The following IGSF21 variants were observed in gnomAD, a reference collection of about 807,000 sequenced individuals.
The protein encoded by IGSF21 is immunoglobulin superfamily member 21.
A neutral mutation model predicts 46.8 loss-of-function variants in IGSF21; 28 were observed. The observed-to-expected ratio is 0.60, with a 90% confidence interval of 0.44 to 0.82. The LOEUF is 0.82. Among genes scored for constraint, IGSF21 ranks in the 40% least tolerant of loss-of-function variants. IGSF21 has a pLI of 0.00. For synonymous variants in IGSF21, 284 were observed against 273.6 expected (o/e 1.04, Z -0.38); for missense variants, 624 against 665.5 (o/e 0.94, Z 0.69).
At chr1:18,254,391 C>T (rs888878401) in intron 2 of IGSF21, among the ~76,000 whole-genome samples, 1 of 147,842 alleles carries the variant, frequency 6.8e-6, no homozygotes, top group Non-Finnish European at 1.5e-5. Flanking sequence ...TAACCCTAAC[C>T]TTATCTAGCT....
At position 18,343,405 on chromosome 1, in the gene IGSF21, C is replaced by G. The variant is rs72657404; in HGVS notation, c.424+8395C>G. 1.4e-3 allele frequency among the ~76,000 whole-genome samples: 207 copies of G among 151,340 alleles called. 4 individuals are homozygous for G. The South Asian group carries it at 0.043, about 31-fold the overall frequency. On this transcript the variant is annotated intron_variant, in intron 4 of 9. Coordinates refer to ENST00000251296, the MANE Select transcript of IGSF21 (RefSeq NM_032880.5). Reference sequence around the variant, plus strand: ...TCCCATTGTGTAGATTGTCTTTTTACTTTCTCCATGGTGTCCTTTGAAGGA... The same window carrying G: ...TCCCATTGTGTAGATTGTCTTTTTAGTTTCTCCATGGTGTCCTTTGAAGGA...
chr1:18,289,326 C>T lies in IGSF21; in HGVS notation c.184-2540C>T, dbSNP rs2085245243. On this transcript the variant is annotated intron_variant, in intron 2 of 9. Coordinates refer to ENST00000251296, the MANE Select transcript of IGSF21 (RefSeq NM_032880.5). ...TTTGGGAGAAAAATCCTCACACCTC[C>T]ACTGAGATTCTGACATCCTTTCTCC... 3.9e-5 allele frequency among the ~76,000 whole-genome samples: 6 copies of T among 152,140 alleles called. No homozygotes were observed. In the South Asian group the frequency reaches 1.2e-3, roughly 32 times the overall value.
intron 1 of IGSF21, among the ~76,000 whole-genome samples, chr1:18,214,221 TAG>T (rs2084420158): frequency 1.3e-5 from 2 of 152,228 alleles, no homozygotes; most frequent in South Asian, 4.2e-4. Context: ...TGCTGGAGAT[TAG>T]AGAGGGGGAA....
At chr1:18,200,288 A>G (rs1250217339) in intron 1 of IGSF21, among the ~76,000 whole-genome samples, 1 of 152,242 alleles carries the variant, frequency 6.6e-6, no homozygotes, top group Non-Finnish European at 1.5e-5. Flanking sequence ...CCTGGGGCTT[A>G]GTAGGTAGAC....
chr1:18,377,050 G>A (rs10465915), intron 8 of IGSF21, 58 bp downstream of exon 8: 179,390 of 1,518,590 alleles, frequency 0.12, 12,755 homozygotes, highest in East Asian at 0.32. Context: ...TCCTGTCTGG[G>A]AGGTTTCCCC....
intron 2 of IGSF21, among the ~76,000 whole-genome samples, chr1:18,255,283 C>T (rs992268952): frequency 6.6e-6 from 1 of 152,180 alleles, no homozygotes; most frequent in African/African-American, 2.4e-5. Flanking sequence ...ATTACTCACC[C>T]ACCTTGATGC....
intron 1 of IGSF21, among the ~76,000 whole-genome samples, chr1:18,180,146 T>C (rs2086842605): frequency 6.6e-6 from 1 of 152,244 alleles, no homozygotes; most frequent in South Asian, 2.1e-4. Context: ...CCTGCTTCCT[T>C]ATATTCCACT....
chr1:18,327,570 G>T (rs756023393), intron 3 of IGSF21, among the ~76,000 whole-genome samples: 1 of 152,140 alleles, frequency 6.6e-6, no homozygotes, highest in Non-Finnish European at 1.5e-5. Context: ...GGAAAGGGAC[G>T]CAACAATTGG....
intron 9 of IGSF21, among the ~76,000 whole-genome samples, chr1:18,377,859 G>A (rs891291464): frequency 2.6e-5 from 4 of 152,168 alleles, no homozygotes; most frequent in South Asian, 4.1e-4. Flanking sequence ...GAGCATCAAC[G>A]GATGTCTCAG....
rs201415056 is a variant in IGSF21, at chr1:18,377,451, A to G, written c.1333+20A>G. On this transcript the variant is annotated intron_variant, in intron 9 of 9. Coordinates refer to ENST00000251296, the MANE Select transcript of IGSF21 (RefSeq NM_032880.5). ...CTAATGGTAAGTCTCTACCCTCAGGATTTTTTGCTTAAAAGGGAGTGGCTT... is the reference window on the plus strand; with the variant it reads ...CTAATGGTAAGTCTCTACCCTCAGGGTTTTTTGCTTAAAAGGGAGTGGCTT... 1.9e-6 allele frequency: 3 copies of G among 1,609,264 alleles called. No individual in the cohort carries two copies. Among genetic ancestry groups the G allele is most frequent in the Non-Finnish European group, 1.7e-6 (2 of 1,175,758 alleles).
chr1:18,123,236 A>G (rs1207615945), intron 1 of IGSF21, among the ~76,000 whole-genome samples: 1 of 152,228 alleles, frequency 6.6e-6, no homozygotes, highest in African/African-American at 2.4e-5. Flanking sequence ...AATATTTTTT[A>G]AAGACTAATT....
intron 1 of IGSF21, among the ~76,000 whole-genome samples, chr1:18,117,374 C>T (rs2086197319): frequency 2.0e-5 from 3 of 152,164 alleles, no homozygotes; most frequent in African/African-American, 4.8e-5. Context: ...GGAGGAGGAG[C>T]GCGGTCCTGG....
intron 1 of IGSF21, among the ~76,000 whole-genome samples, chr1:18,209,851 C>A (rs1183124739): frequency 1.3e-5 from 2 of 152,044 alleles, no homozygotes; most frequent in African/African-American, 4.8e-5. Flanking sequence ...GACAAACCTG[C>A]CCCAGACACG....
rs1276011140 is a variant in IGSF21 at position 18,290,709 on chromosome 1, C to T, written c.184-1157C>T. On this transcript the variant is annotated intron_variant, in intron 2 of 9. Coordinates refer to ENST00000251296, the MANE Select transcript of IGSF21 (RefSeq NM_032880.5). This position sits in a 1 kb window ranked among gnomAD's most constrained non-coding sequence, Gnocchi z 4.2. ...AGCCCAGCTGTGTCTAGGGCCAGTACTCCCAGGCAGGTGACAGGGGGACAG... is the reference window on the plus strand; with the variant it reads ...AGCCCAGCTGTGTCTAGGGCCAGTATTCCCAGGCAGGTGACAGGGGGACAG... 6.6e-6 allele frequency among the ~76,000 whole-genome samples: 1 copy of T among 152,178 alleles called. No homozygotes were observed. Among genetic ancestry groups the T allele is most frequent in the African/African-American group, 2.4e-5 (1 of 41,460 alleles).
intron 1 of IGSF21, among the ~76,000 whole-genome samples, chr1:18,169,699 G>C (rs1441621304): frequency 6.6e-6 from 1 of 152,178 alleles, no homozygotes; most frequent in African/African-American, 2.4e-5. Flanking sequence ...TGGGCTAATT[G>C]CTGCTGAATA....
At chr1:18,243,723 T>G (rs1232796258) in intron 2 of IGSF21, among the ~76,000 whole-genome samples, 2 of 152,184 alleles carry the variant, frequency 1.3e-5, no homozygotes, top group Non-Finnish European at 2.9e-5. Context: ...TTGGGTTCTG[T>G]AAACAGGAGC....
intron 4 of IGSF21, among the ~76,000 whole-genome samples, chr1:18,344,394 C>T (rs1290184185): frequency 6.6e-6 from 1 of 152,106 alleles, no homozygotes; most frequent in African/African-American, 2.4e-5. Flanking sequence ...GGAAGAACCT[C>T]TTTTGACTTG....
chr1:18,150,504 C>T (rs560942549), intron 1 of IGSF21, among the ~76,000 whole-genome samples: 6 of 152,210 alleles, frequency 3.9e-5, no homozygotes, highest in African/African-American at 1.2e-4. Context: ...TACCTGTCCC[C>T]GATTCTGTGT....
At position 18,275,678 on chromosome 1, in the gene IGSF21, C is replaced by T. The variant is rs116750091; in HGVS notation, c.184-16188C>T. The stretch of plus-strand genomic sequence containing the variant: ...CCTTCCATGCTAGGTGTCCGCTCAA[C>T]CCCAACCCCTTAGATTCCTGGACTA... On this transcript the variant is annotated intron_variant, in intron 2 of 9. Coordinates refer to ENST00000251296, the MANE Select transcript of IGSF21 (RefSeq NM_032880.5). Among the ~76,000 whole-genome samples the T allele has an allele frequency of 5.7e-3, 870 of 152,294 alleles. 4 individuals are homozygous for T. Among genetic ancestry groups the T allele is most frequent in the African/African-American group, 0.016 (663 of 41,560 alleles).
Sources: gnomAD v4.1 joint callset for allele counts (sites outside exome capture counted in the v4.1 genomes callset) on GRCh38, gnomAD v4.1.1 for gene constraint, Gnocchi (gnomAD v3.1) non-coding constraint, MANE v1.5 for transcripts, NCBI Gene and HGNC (gene_info 2026-07-23, HGNC 2026-07-21) for gene names.